SPATA16: variants seen among roughly 807,000 people sequenced by gnomAD.
SPATA16 encodes the protein spermatogenesis-associated protein 16.
In SPATA16, 36 loss-of-function variants were observed where a neutral mutation model predicts 63.3. The observed-to-expected ratio is 0.57, with a 90% CI of 0.44 to 0.75. The LOEUF is 0.75. SPATA16 is among the 30% of genes least tolerant of loss of function. SPATA16 has a pLI of 0.00. For missense variants in SPATA16, 646 were observed against 679.3 expected (o/e 0.95, Z 0.54); for synonymous variants, 203 against 216.7 (o/e 0.94, Z 0.56).
At chr3:173,005,760 C>A (rs1417184674) in intron 4 of SPATA16, among the ~76,000 whole-genome samples, 1 of 152,038 alleles carries the variant, frequency 6.6e-6, no homozygotes, top group South Asian at 2.1e-4. Context: ...TATCAACAGC[C>A]TGAGTTTTTA....
At chr3:172,980,167 G>T (rs576893926) in intron 4 of SPATA16, among the ~76,000 whole-genome samples, 7 of 152,314 alleles carry the variant, frequency 4.6e-5, no homozygotes, top group African/African-American at 1.4e-4. Flanking sequence ...TGCAATATTT[G>T]TGAGGGAAGA....
At chr3:173,136,888 C>T (rs1019511662) in intron 1 of SPATA16, among the ~76,000 whole-genome samples, 7 of 152,126 alleles carry the variant, frequency 4.6e-5, no homozygotes, top group African/African-American at 1.7e-4. Flanking sequence ...CCTGTGCAGC[C>T]ACCAAGTAGA....
chr3:172,992,974 C>T (rs896026361), intron 4 of SPATA16, among the ~76,000 whole-genome samples: 2 of 152,136 alleles, frequency 1.3e-5, no homozygotes, highest in Admixed American at 6.6e-5. Context: ...TGAGCAATTA[C>T]ACCTAAAATA....
chr3:173,097,720 A>T (rs1737392579), intron 2 of SPATA16, among the ~76,000 whole-genome samples: 2 of 152,304 alleles, frequency 1.3e-5, no homozygotes, highest in East Asian at 3.9e-4. Context: ...AATATGTTTG[A>T]ACTGAAAAAT....
intron 3 of SPATA16, among the ~76,000 whole-genome samples, chr3:173,044,317 A>G (rs910410820): frequency 1.2e-4 from 18 of 152,124 alleles, no homozygotes; most frequent in Non-Finnish European, 4.4e-5. Flanking sequence ...ATAGTGGATA[A>G]TTTCTATCGA....
intron 10 of SPATA16, among the ~76,000 whole-genome samples, chr3:172,895,815 G>A (rs76172820): frequency 0.097 from 14,754 of 152,038 alleles, 811 homozygotes; most frequent in African/African-American, 0.14. Context: ...CCATTCATTA[G>A]TTAGATTATT....
chr3:173,059,832 CTTTTTTTTTTTTTTTTTTTTT>C (rs201000096), intron 2 of SPATA16, among the ~76,000 whole-genome samples: 5 of 71,300 alleles, frequency 7.0e-5, no homozygotes, highest in Admixed American at 1.8e-4. Context: ...CATTTGGTAG[CTTTTTTTTTTTTTTTTTTTTT>C]TTTTTTTTTT....
At chr3:173,017,999 A>T (rs1446119285) in intron 4 of SPATA16, among the ~76,000 whole-genome samples, 3 of 152,250 alleles carry the variant, frequency 2.0e-5, no homozygotes, top group African/African-American at 7.2e-5. Flanking sequence ...GTAAATAAAA[A>T]GTAGGAAGAA....
chr3:172,994,352 C>T (rs998253444), intron 4 of SPATA16, among the ~76,000 whole-genome samples: 6 of 152,042 alleles, frequency 3.9e-5, no homozygotes, highest in African/African-American at 1.2e-4. Flanking sequence ...AAAAAAGAGG[C>T]GTTAATTCTA....
At chr3:173,089,861 C>T (rs894651542) in intron 2 of SPATA16, among the ~76,000 whole-genome samples, 32 of 152,252 alleles carry the variant, frequency 2.1e-4, no homozygotes, top group African/African-American at 7.0e-4. Flanking sequence ...GGGCCTAAGC[C>T]GTGGCTGAGA....
At chr3:172,931,128 A>G (rs1732861912) in intron 6 of SPATA16, among the ~76,000 whole-genome samples, 2 of 152,176 alleles carry the variant, frequency 1.3e-5, no homozygotes, top group Admixed American at 1.3e-4. Flanking sequence ...TCGGCCTCAA[A>G]CTCATAAGGA....
chr3:172,963,469 A>T (rs1453868397), intron 5 of SPATA16, among the ~76,000 whole-genome samples: 4 of 151,812 alleles, frequency 2.6e-5, no homozygotes, highest in Admixed American at 6.6e-5. Flanking sequence ...TTAAATTTAA[A>T]GTATTTAATT....
intron 4 of SPATA16, among the ~76,000 whole-genome samples, chr3:172,990,754 T>C (rs1734557559): frequency 6.6e-6 from 1 of 152,148 alleles, no homozygotes; most frequent in East Asian, 1.9e-4. Flanking sequence ...AAGTGTGATG[T>C]TCTTAACTAG....
intron 10 of SPATA16, among the ~76,000 whole-genome samples, chr3:172,902,628 G>A (rs1333641711): frequency 6.6e-6 from 1 of 152,126 alleles, no homozygotes; most frequent in East Asian, 1.9e-4. Context: ...ATAAGAGATA[G>A]GTCTTACTTT....
chr3:173,028,009 C>CCTTCCTTCTTT (rs1735496707), intron 3 of SPATA16, among the ~76,000 whole-genome samples: 14 of 43,330 alleles, frequency 3.2e-4, no homozygotes, highest in African/African-American at 2.3e-3. Flanking sequence ...CTCCCTCCCT[C>CCTTCCTTCTTT]CCTCCCTTCC....
intron 8 of SPATA16, among the ~76,000 whole-genome samples, chr3:172,922,811 A>T (rs1732642702): frequency 6.6e-6 from 1 of 152,130 alleles, no homozygotes; most frequent in Non-Finnish European, 1.5e-5. Flanking sequence ...AATCCCGGCT[A>T]CTCTGGAGGC....
At chr3:173,047,380 G>T (rs754244902) in intron 3 of SPATA16, among the ~76,000 whole-genome samples, 9 of 151,894 alleles carry the variant, frequency 5.9e-5, no homozygotes, top group Admixed American at 1.3e-4. Context: ...TAAAATGTAG[G>T]CCATGTAGGC....
chr3:173,041,816 C>T (rs888662743), intron 3 of SPATA16, among the ~76,000 whole-genome samples: 3 of 149,618 alleles, frequency 2.0e-5, no homozygotes, highest in East Asian at 2.0e-4. Context: ...GGGATGGGGG[C>T]GGGGGAGGGA....
At chr3:173,085,855 G>A (rs755602950) in intron 2 of SPATA16, among the ~76,000 whole-genome samples, 12 of 152,152 alleles carry the variant, frequency 7.9e-5, no homozygotes, top group Non-Finnish European at 1.8e-4. Context: ...TTGCATCCCA[G>A]GGATAATGCC....
Sources: gnomAD v4.1 joint callset for allele counts (sites outside exome capture counted in the v4.1 genomes callset) on GRCh38, gnomAD v4.1.1 for gene constraint, MANE v1.5 for transcripts, NCBI Gene and HGNC (gene_info 2026-07-23, HGNC 2026-07-21) for gene names.